LUZP2: variants seen among roughly 807,000 people sequenced by gnomAD.
The protein encoded by LUZP2 is leucine zipper protein 2.
A neutral mutation model predicts 51.6 loss-of-function variants in LUZP2; 52 were observed. That is an observed-to-expected ratio of 1.01 (90% CI 0.81 to 1.27). The LOEUF (loss-of-function observed/expected upper bound fraction) is 1.27. LUZP2 is among the 50% of genes most tolerant of loss of function. LUZP2 has a pLI of 0.00. For synonymous variants in LUZP2, 154 were observed against 137.3 expected (o/e 1.12, Z -0.85); for missense variants, 436 against 395.4 (o/e 1.10, Z -0.87).
intron 4 of LUZP2, among the ~76,000 whole-genome samples, chr11:24,751,291 C>T (rs1028565082): frequency 6.6e-6 from 1 of 152,072 alleles, no homozygotes; most frequent in Non-Finnish European, 1.5e-5. Context: ...AAAGATGACT[C>T]ACAGAAATGA....
At position 24,611,483 on chromosome 11, in the gene LUZP2, T is replaced by C. The variant is rs1362750166; in HGVS notation, c.62+114178T>C. 1.3e-5 allele frequency among the ~76,000 whole-genome samples: 2 copies of C among 152,158 alleles called. No individual in the cohort carries two copies. Among genetic ancestry groups the C allele is most frequent in the Non-Finnish European group, 1.5e-5 (1 of 68,024 alleles). ...AATGTGATATACACTCTAATAGATA[T>C]AGGTGATCTCAGACAGGGCTTGTTA... On this transcript the variant is annotated intron_variant, in intron 1 of 11. Transcript: ENST00000336930. This position sits in a 1 kb window ranked among gnomAD's most constrained non-coding sequence, Gnocchi z 4.6.
chr11:24,566,842 G>T (rs1446433468), intron 1 of LUZP2, among the ~76,000 whole-genome samples: 2 of 138,806 alleles, frequency 1.4e-5, no homozygotes, highest in East Asian at 2.0e-4. Flanking sequence ...TATATATAAG[G>T]TATATATACA....
At position 25,059,927 on chromosome 11, in the gene LUZP2, GA is replaced by G. The variant is rs566612442; in HGVS notation, c.858+9802del. On this transcript the variant is annotated intron_variant, in intron 10 of 11. Coordinates refer to ENST00000336930, the MANE Select transcript of LUZP2 (RefSeq NM_001009909.4). ...TAGAGAAATTTTGACTGAAGGAAGG[GA>G]AAAATGAAAAAGGGAGATGAAAGAT... is the stretch of plus-strand genomic sequence containing the variant. Among the ~76,000 whole-genome samples, 19 of 151,922 alleles carry G rather than the reference GA, an allele frequency of 1.3e-4. No individual in the cohort carries two copies. In the South Asian group the frequency reaches 3.7e-3, roughly 30 times the overall value.
At chr11:24,737,501 T>TAAAAAAAAA (rs74313884) in intron 3 of LUZP2, among the ~76,000 whole-genome samples, 1 of 150,246 alleles carries the variant, frequency 6.7e-6, no homozygotes. Context: ...ATAGCTCGAG[T>TAAAAAAAAA]AAAAAAAAAT....
intron 1 of LUZP2, among the ~76,000 whole-genome samples, chr11:24,501,561 C>T (rs1189545211): frequency 2.0e-5 from 3 of 152,174 alleles, no homozygotes; most frequent in Non-Finnish European, 4.4e-5. Context: ...ATCCCTTTTA[C>T]AAATGGTGCT....
intron 5 of LUZP2, among the ~76,000 whole-genome samples, chr11:24,768,451 C>A (rs1860278173): frequency 6.6e-6 from 1 of 152,118 alleles, no homozygotes. Context: ...ATGTTCAGGG[C>A]TTTTGAAAGA....
intron 1 of LUZP2, among the ~76,000 whole-genome samples, chr11:24,712,855 G>A (rs1316841932): frequency 6.6e-6 from 1 of 152,122 alleles, no homozygotes; most frequent in East Asian, 1.9e-4. Context: ...TAAACTTATT[G>A]TATTAAGGGC....
chr11:24,881,480 G>C (rs918280855), intron 5 of LUZP2, among the ~76,000 whole-genome samples: 1 of 151,696 alleles, frequency 6.6e-6, no homozygotes, highest in African/African-American at 2.4e-5. Flanking sequence ...AGATCTTTAT[G>C]CTCAAAGTTA....
intron 9 of LUZP2, among the ~76,000 whole-genome samples, chr11:25,018,230 T>C (rs1224369970): frequency 2.6e-5 from 4 of 152,128 alleles, no homozygotes; most frequent in Non-Finnish European, 5.9e-5. Flanking sequence ...ATATTCTAGG[T>C]ATGCAACCAT....
chr11:25,010,882 G>T (rs1856965584), intron 9 of LUZP2, among the ~76,000 whole-genome samples: 1 of 152,034 alleles, frequency 6.6e-6, no homozygotes, highest in African/African-American at 2.4e-5. Context: ...TAACAACACT[G>T]CGAAGTGGTA....
chr11:24,504,321 G>A (rs1043478010), intron 1 of LUZP2, among the ~76,000 whole-genome samples: 29 of 152,212 alleles, frequency 1.9e-4, no homozygotes, highest in Non-Finnish European at 4.0e-4. Flanking sequence ...TTAATATAAG[G>A]TTACATTACA....
chr11:24,814,987 G>A (rs542452536), intron 5 of LUZP2, among the ~76,000 whole-genome samples: 36 of 67,394 alleles, frequency 5.3e-4, no homozygotes, highest in Non-Finnish European at 8.7e-4. Flanking sequence ...GTGAGACTCC[G>A]TCTCAAAAAA....
chr11:24,945,837 A>G (rs1349681134), intron 7 of LUZP2, among the ~76,000 whole-genome samples: 1 of 152,062 alleles, frequency 6.6e-6, no homozygotes, highest in Admixed American at 6.6e-5. Context: ...ATAATATAAA[A>G]TCAATCCATT....
intron 1 of LUZP2, among the ~76,000 whole-genome samples, chr11:24,609,076 A>AG (rs901677283): frequency 1.3e-5 from 2 of 152,186 alleles, no homozygotes; most frequent in African/African-American, 4.8e-5. Context: ...CATTCTACCC[A>AG]GCCTGGACTT....
At chr11:24,710,529 C>T (rs1025673555) in intron 1 of LUZP2, among the ~76,000 whole-genome samples, 2 of 152,124 alleles carry the variant, frequency 1.3e-5, no homozygotes, top group East Asian at 3.9e-4. Flanking sequence ...ATTGACAGGG[C>T]TATTTTTCTC....
chr11:24,501,398 T>C (rs1849988680), intron 1 of LUZP2, among the ~76,000 whole-genome samples: 1 of 152,182 alleles, frequency 6.6e-6, no homozygotes, highest in South Asian at 2.1e-4. Flanking sequence ...CTCCATGTAA[T>C]TGAAAGGAAG....
intron 1 of LUZP2, among the ~76,000 whole-genome samples, chr11:24,591,986 T>C (rs1380150436): frequency 6.6e-6 from 1 of 152,186 alleles, no homozygotes; most frequent in African/African-American, 2.4e-5. Flanking sequence ...TTTCCTGTAA[T>C]AGACCTGTTA....
intron 1 of LUZP2, among the ~76,000 whole-genome samples, chr11:24,525,887 GC>G (rs777454780): frequency 9.9e-5 from 15 of 151,418 alleles, no homozygotes; most frequent in Admixed American, 2.0e-4. Context: ...TGGAATACAA[GC>G]ATGTAAGGGA....
At chr11:24,551,479 T>G (rs1851722701) in intron 1 of LUZP2, among the ~76,000 whole-genome samples, 1 of 152,168 alleles carries the variant, frequency 6.6e-6, no homozygotes, top group Middle Eastern at 3.4e-3. Context: ...GGTACAGGGT[T>G]CCTTTTAGTG....
Sources: gnomAD v4.1 joint callset for allele counts (sites outside exome capture counted in the v4.1 genomes callset) on GRCh38, gnomAD v4.1.1 for gene constraint, Gnocchi (gnomAD v3.1) non-coding constraint, MANE v1.5 for transcripts, NCBI Gene and HGNC (gene_info 2026-07-23, HGNC 2026-07-21) for gene names.